The following FOXP2 variants were observed in gnomAD, a reference collection of about 807,000 sequenced individuals.
The protein encoded by FOXP2 is forkhead box P2.
A neutral mutation model predicts 115.8 loss-of-function variants in FOXP2; 12 were observed. The observed-to-expected ratio is 0.10, with a 90% CI of 0.07 to 0.17. FOXP2 has a LOEUF of 0.17. FOXP2 is among the 10% of genes least tolerant of loss of function. The pLI is 1.00. For synonymous variants in FOXP2, 328 were observed against 297.7 expected (o/e 1.10, Z -1.05); for missense variants, 629 against 843.5 (o/e 0.75, Z 3.15).
chr7:114,261,230 T>C (rs1795742297), intron 1 of FOXP2, among the ~76,000 whole-genome samples: 1 of 152,202 alleles, frequency 6.6e-6, no homozygotes, highest in Admixed American at 6.5e-5. Flanking sequence ...AGTATTCTTG[T>C]AGTTCCCATG....
chr7:114,653,990 C>A lies in FOXP2; in HGVS notation c.1247C>A (p.Pro416His). 3 of 1,613,350 alleles carry A rather than the reference C, an allele frequency of 1.9e-6. No homozygotes were observed. The highest frequency in any genetic ancestry group is 2.5e-6 in the Non-Finnish European group (3 of 1,179,468). The change falls in exon 10 of 17, where the codon CCC becomes CAC. Residue 416 changes from proline to histidine, a missense_variant. Around this residue, in one of 9 missense-constraint regions of FOXP2, gnomAD observed 101 missense variants for 116.0 expected, o/e 0.87. Coordinates refer to ENST00000350908, the MANE Select transcript of FOXP2 (RefSeq NM_014491.4). ...CACTTGCACATGCGACCCTCAGAGC[C>A]CAAACCATCTCCCAAACCTGTAAGT... ...MTHLHMRPSE[P>H]KPSPKPLNLV...
chr7:114,284,992 G>T (rs982449648), intron 1 of FOXP2, among the ~76,000 whole-genome samples: 3 of 151,974 alleles, frequency 2.0e-5, no homozygotes, highest in African/African-American at 7.2e-5. Flanking sequence ...ACACATAGAC[G>T]CATAAAGGGG....
chr7:114,499,914 G>T (rs556548613), intron 2 of FOXP2, among the ~76,000 whole-genome samples: 1 of 151,990 alleles, frequency 6.6e-6, no homozygotes, highest in South Asian at 2.1e-4. Flanking sequence ...TTAATAAAAT[G>T]GAATCAAAAA....
At position 114,418,220 on chromosome 7, in the gene FOXP2, A is replaced by G. The variant is rs539467514; in HGVS notation, c.-11+2860A>G. Among the ~76,000 whole-genome samples, 4 of 152,054 alleles carry G rather than the reference A, an allele frequency of 2.6e-5. No individual in the cohort carries two copies. The East Asian group carries it at 7.8e-4, about 30-fold the overall frequency. On this transcript the variant is annotated intron_variant, in intron 1 of 16. Transcript: ENST00000350908. ...ATTGGTTACATAAATCTTGTCTGGT[A>G]TGAATGAGAAATGTTTCTGTGTTGT... is the stretch of plus-strand genomic sequence containing the variant.
At chr7:114,087,440 T>A (rs1799442086), upstream of FOXP2, among the ~76,000 whole-genome samples, 1 of 145,494 alleles carries the variant, frequency 6.9e-6, no homozygotes, top group Admixed American at 6.8e-5. Flanking sequence ...GTGGGTGGGT[T>A]TGGGGTGAAA....
intron 16 of FOXP2, among the ~76,000 whole-genome samples, chr7:114,678,164 C>G (rs1807877243): frequency 6.6e-6 from 1 of 151,988 alleles, no homozygotes; most frequent in African/African-American, 2.4e-5. Flanking sequence ...TCATATTTGA[C>G]TTTTTTTTCC....
chr7:114,443,673 A>G (rs1794706489), intron 2 of FOXP2, among the ~76,000 whole-genome samples: 1 of 152,060 alleles, frequency 6.6e-6, no homozygotes, highest in Non-Finnish European at 1.5e-5. Context: ...AACATGCAGT[A>G]TTTGGTTTCC....
chr7:114,684,650 A>G (rs1808264482), intron 16 of FOXP2, among the ~76,000 whole-genome samples: 1 of 152,196 alleles, frequency 6.6e-6, no homozygotes, highest in Admixed American at 6.6e-5. Context: ...TCCAGCACTT[A>G]AGAGTTTAGC....
chr7:114,402,854 GTCTCAAAC>G (rs1344935192), intron 2 of FOXP2, among the ~76,000 whole-genome samples: 5 of 151,990 alleles, frequency 3.3e-5, no homozygotes, highest in Non-Finnish European at 5.9e-5. Context: ...TCCAAGGCTG[GTCTCAAAC>G]TCCTGGCCTC....
intron 1 of FOXP2, among the ~76,000 whole-genome samples, chr7:114,246,581 G>C (rs71571199): frequency 0.11 from 16,013 of 152,090 alleles, 1,147 homozygotes; most frequent in East Asian, 0.28. Context: ...TTAGTAAACT[G>C]ATATTCAAAT....
At chr7:114,417,323 A>G (rs1562913424) in intron 1 of FOXP2, among the ~76,000 whole-genome samples, 2 of 151,888 alleles carry the variant, frequency 1.3e-5, no homozygotes, top group South Asian at 2.1e-4. Context: ...TCTGTTTTTA[A>G]TTTTTGCCTT....
intron 2 of FOXP2, among the ~76,000 whole-genome samples, chr7:114,361,624 T>C (rs2129187639): frequency 6.6e-6 from 1 of 152,216 alleles, no homozygotes; most frequent in South Asian, 2.1e-4. Flanking sequence ...TTAGAAATAC[T>C]TTTATATAGC....
At chr7:114,502,093 A>G (rs955845603) in intron 2 of FOXP2, among the ~76,000 whole-genome samples, 1 of 152,040 alleles carries the variant, frequency 6.6e-6, no homozygotes, top group Admixed American at 6.6e-5. Context: ...TTAAAACTGC[A>G]TTTACCTAAA....
At chr7:114,661,948 C>G in intron 13 of FOXP2, 117 bp from the exon 14 acceptor site, 1 of 1,326,458 alleles carries the variant, frequency 7.5e-7, no homozygotes, top group South Asian at 1.3e-5. Context: ...GATTTTAATA[C>G]TTAAACATGT....
At chr7:114,647,049 A>G (rs752533745) in intron 8 of FOXP2, among the ~76,000 whole-genome samples, 2 of 151,912 alleles carry the variant, frequency 1.3e-5, no homozygotes, top group Non-Finnish European at 2.9e-5. Context: ...AGTGTTTATT[A>G]TAAAAGTTTT....
At chr7:114,099,221 T>A (rs1416244521) in intron 1 of FOXP2, among the ~76,000 whole-genome samples, 1 of 152,034 alleles carries the variant, frequency 6.6e-6, no homozygotes, top group Non-Finnish European at 1.5e-5. Flanking sequence ...AAGACCCGAA[T>A]AGACATTTCT....
chr7:114,125,659 C>T lies in FOXP2; in HGVS notation c.-246-37285C>T, dbSNP rs568831585. On this transcript the variant is annotated intron_variant, in intron 1 of 19. Transcript: ENST00000635638. The stretch of plus-strand genomic sequence containing the variant: ...GTTGCTGTAGAGTACAAAGCTTCAC[C>T]ATAGCTTGGATCCCTGATGTTCAGT... 1.6e-3 allele frequency among the ~76,000 whole-genome samples: 248 copies of T among 152,182 alleles called. 1 individual carries two copies. Among genetic ancestry groups the T allele is most frequent in the African/African-American group, 5.0e-3 (209 of 41,542 alleles).
chr7:114,497,467 G>A (rs781405429), intron 2 of FOXP2, among the ~76,000 whole-genome samples: 12 of 151,970 alleles, frequency 7.9e-5, no homozygotes, highest in Non-Finnish European at 1.6e-4. Context: ...GGCCAACATG[G>A]CAAAAACCCA....
intron 2 of FOXP2, among the ~76,000 whole-genome samples, chr7:114,310,582 TTC>T (rs1797125114): frequency 6.6e-6 from 1 of 152,090 alleles, no homozygotes; most frequent in Admixed American, 6.6e-5. Flanking sequence ...GAAATGGTCT[TTC>T]TGAGTACTCT....
Sources: gnomAD v4.1 joint callset for allele counts (sites outside exome capture counted in the v4.1 genomes callset) on GRCh38, gnomAD v4.1.1 for gene constraint, gnomAD v4.1.1 regional missense constraint, MANE v1.5 for transcripts, NCBI Gene and HGNC (gene_info 2026-07-23, HGNC 2026-07-21) for gene names.